Variants in SIK3 observed in about 807,000 individuals in gnomAD.
The protein encoded by SIK3 is SIK family kinase 3, also known as serine/threonine-protein kinase SIK3.
In SIK3, 28 loss-of-function variants were observed where a neutral mutation model predicts 144.2. The observed-to-expected ratio is 0.19, with a 90% CI of 0.14 to 0.27. The LOEUF (loss-of-function observed/expected upper bound fraction) is 0.27. Among genes scored for constraint, SIK3 ranks in the 10% least tolerant of loss-of-function variants. The pLI is 1.00. For missense variants in SIK3, 1,319 were observed against 1,776.0 expected (o/e 0.74, Z 4.62); for synonymous variants, 686 against 676.3 (o/e 1.01, Z -0.22).
chr11:116,975,374 C>T (rs1287662352), intron 1 of SIK3, among the ~76,000 whole-genome samples: 3 of 152,042 alleles, frequency 2.0e-5, no homozygotes, highest in African/African-American at 7.3e-5. Context: ...CACTCCTATC[C>T]CTCCACCAGC....
At chr11:116,946,499 C>CTGAG (rs1472417634) in intron 3 of SIK3, among the ~76,000 whole-genome samples, 1 of 152,160 alleles carries the variant, frequency 6.6e-6, no homozygotes, top group East Asian at 1.9e-4. Context: ...GAGAGGAACC[C>CTGAG]TGAGCTTGGA....
At chr11:116,902,489 G>A (rs925257295) in intron 4 of SIK3, among the ~76,000 whole-genome samples, 5 of 152,170 alleles carry the variant, frequency 3.3e-5, no homozygotes, top group African/African-American at 9.7e-5. Context: ...AGAAATGAGT[G>A]TATGAGAATG....
At chr11:117,009,587 CT>C (rs1423568556) in intron 1 of SIK3, among the ~76,000 whole-genome samples, 1 of 151,984 alleles carries the variant, frequency 6.6e-6, no homozygotes, top group East Asian at 1.9e-4. Flanking sequence ...CAGAGAAACT[CT>C]GACGCAAAAG....
At chr11:116,926,458 T>C (rs1377003293) in intron 4 of SIK3, among the ~76,000 whole-genome samples, 1 of 152,182 alleles carries the variant, frequency 6.6e-6, no homozygotes, top group Non-Finnish European at 1.5e-5. Context: ...GACAAAAAGC[T>C]GGACTGCCTA....
Position 116,867,836 on chromosome 11 carries a change from C to A in SIK3, c.1952+110G>T, listed in dbSNP as rs1943729538. On this transcript the variant is annotated intron_variant, in intron 15 of 24. Transcript: ENST00000445177. The surrounding 1 kb of genome is among the most constrained non-coding windows in gnomAD (Gnocchi z 4.1). The stretch of plus-strand genomic sequence containing the variant: ...AGAAGATGTGAGTTCAGGATGACAG[C>A]TGGCTTCTATTTAAAGCCACGATGC... 8.8e-7 allele frequency: 1 copy of A among 1,130,036 alleles called. No homozygotes were observed. The highest frequency in any genetic ancestry group is 1.2e-6 in the Non-Finnish European group (1 of 818,498). The allele number at this position is 1,130,036 out of a possible 1,614,324, so 70.0% of individuals were successfully genotyped here.
chr11:116,879,204 T>C (rs1388716775), intron 6 of SIK3, among the ~76,000 whole-genome samples: 1 of 152,218 alleles, frequency 6.6e-6, no homozygotes, highest in Non-Finnish European at 1.5e-5. Context: ...AAATTTTCTA[T>C]AGGTTTTTAA....
Position 116,845,107 on chromosome 11 carries a change from A to T in SIK3, c.*536T>A, listed in dbSNP as rs181482220. 1.3e-5 allele frequency: 2 copies of T among 152,204 alleles called. No individual in the cohort carries two copies. Among genetic ancestry groups the T allele is most frequent in the Non-Finnish European group, 2.9e-5 (2 of 68,022 alleles). The allele number at this position is 152,204 out of a possible 1,614,324, so 9.4% of individuals were successfully genotyped here. A position where few individuals can be genotyped will look rare whatever the true frequency, so the allele number is the denominator to read the frequency against. ...CCCTTCCTCTCTCCCTTTGCCTGCC[A>T]TTAGGATTCCAGAGGATGGCATCCT... On this transcript the variant is annotated 3_prime_UTR_variant, in exon 25 of 25. Transcript: ENST00000445177.
At chr11:116,977,238 CCCT>C in intron 1 of SIK3, among the ~76,000 whole-genome samples, 8 of 143,706 alleles carry the variant, frequency 5.6e-5, no homozygotes, top group African/African-American at 1.3e-4. Context: ...CTCCCTCCCT[CCCT>C]CCCTCCCTTC....
chr11:117,065,332 A>G (rs1013432076), intron 1 of SIK3, among the ~76,000 whole-genome samples: 1 of 152,032 alleles, frequency 6.6e-6, no homozygotes, highest in African/African-American at 2.4e-5. Flanking sequence ...TTTAATTATA[A>G]ACTATTTTAA....
intron 1 of SIK3, among the ~76,000 whole-genome samples, chr11:117,026,348 G>C (rs1390064975): frequency 6.6e-6 from 1 of 152,062 alleles, no homozygotes; most frequent in Non-Finnish European, 1.5e-5. Context: ...GTTCCCACAA[G>C]GAAACAATCA....
At chr11:116,979,865 A>AAG (rs149791756) in intron 1 of SIK3, among the ~76,000 whole-genome samples, 147 of 152,042 alleles carry the variant, frequency 9.7e-4, no homozygotes, top group African/African-American at 2.7e-3. Flanking sequence ...AAAGAAAAAA[A>AAG]AGAGAGAGAG....
At chr11:117,034,525 C>G (rs1164336398) in intron 1 of SIK3, among the ~76,000 whole-genome samples, 2 of 151,898 alleles carry the variant, frequency 1.3e-5, no homozygotes, top group Non-Finnish European at 2.9e-5. Context: ...GTAAGTCGGC[C>G]AAAACATAAT....
At chr11:116,969,289 C>CAA (rs60102923) in intron 1 of SIK3, among the ~76,000 whole-genome samples, 209 of 73,506 alleles carry the variant, frequency 2.8e-3, no homozygotes, top group East Asian at 7.2e-3. Context: ...GACTCCGTCT[C>CAA]AAAAAAAAAA....
chr11:117,011,382 C>T (rs149288433), intron 1 of SIK3, among the ~76,000 whole-genome samples: 2 of 152,066 alleles, frequency 1.3e-5, no homozygotes, highest in East Asian at 1.9e-4. Flanking sequence ...GAGTGTATTA[C>T]GATTACATTC....
intron 4 of SIK3, among the ~76,000 whole-genome samples, chr11:116,925,905 G>A (rs1017969175): frequency 6.6e-6 from 1 of 152,162 alleles, no homozygotes; most frequent in African/African-American, 2.4e-5. Flanking sequence ...AGGAGTGAAA[G>A]AACTTATAAA....
At chr11:116,923,311 CT>C (rs1947103265) in intron 4 of SIK3, among the ~76,000 whole-genome samples, 1 of 152,194 alleles carries the variant, frequency 6.6e-6, no homozygotes, top group South Asian at 2.1e-4. Context: ...ATTTAAGATA[CT>C]TTACCAAAAG....
intron 4 of SIK3, among the ~76,000 whole-genome samples, chr11:116,922,132 A>G (rs557386282): frequency 7.2e-5 from 11 of 152,220 alleles, no homozygotes; most frequent in Non-Finnish European, 1.5e-4. Context: ...ACTAATATCT[A>G]TCTATCCAGG....
chr11:116,926,538 T>C (rs1274812538), intron 4 of SIK3, among the ~76,000 whole-genome samples: 2 of 152,258 alleles, frequency 1.3e-5, no homozygotes, highest in Non-Finnish European at 2.9e-5. Flanking sequence ...GTATGCTCTG[T>C]GTCAGCAGTG....
chr11:116,861,340 T>C lies in SIK3; in HGVS notation c.2359A>G (p.Asn787Asp), dbSNP rs1211736314. Residue 787 changes from asparagine (N) to aspartate (D), a missense_variant, in exon 19 of 25, where the codon AAC becomes GAC. By Grantham distance (23) the Asn-to-Asp change is conservative. Coordinates refer to ENST00000445177, the MANE Select transcript of SIK3 (RefSeq NM_001366686.3). ...PSSPPPNHPN[N>D]HLFRQPSNSP... Reference sequence around the variant, plus strand: ...TTACTGGGCTGCCTGAAGAGATGGTTGTTGGGGTGGTTGGGGGGTGGGCTT... The same window carrying C: ...TTACTGGGCTGCCTGAAGAGATGGTCGTTGGGGTGGTTGGGGGGTGGGCTT... 1.3e-6 allele frequency: 2 copies of C among 1,596,404 alleles called. No homozygotes were observed. Among genetic ancestry groups the C allele is most frequent in the Admixed American group, 1.9e-5 (1 of 54,020 alleles).
Sources: gnomAD v4.1 joint callset for allele counts (sites outside exome capture counted in the v4.1 genomes callset) on GRCh38, gnomAD v4.1.1 for gene constraint, Gnocchi (gnomAD v3.1) non-coding constraint, MANE v1.5 for transcripts, NCBI Gene and HGNC (gene_info 2026-07-23, HGNC 2026-07-21) for gene names.